Variants in CMYA5 observed in about 807,000 individuals in gnomAD.
The protein encoded by CMYA5 is cardiomyopathy associated 5.
In CMYA5, 246 loss-of-function variants were observed where a neutral mutation model predicts 318.9. The ratio of observed to expected loss-of-function variants is 0.77; its 90% CI spans 0.70 to 0.86. The LOEUF (loss-of-function observed/expected upper bound fraction) is 0.86, where lower values mean the gene tolerates loss of function less well. Ranked by LOEUF, CMYA5 falls within the 40% of genes least tolerant of loss-of-function variation. The probability of loss-of-function intolerance (pLI) is 0.00; values close to 1 mark genes in which losing one functional copy is unlikely to be tolerated. For synonymous variants in CMYA5, 1,641 were observed against 1,729.5 expected (o/e 0.95, Z 1.27); for missense variants, 4,589 against 4,678.2 (o/e 0.98, Z 0.56).
chr5:79,733,599 G>A lies in CMYA5; in HGVS notation c.4834G>A (p.Asp1612Asn), dbSNP rs1159479602. The A allele has an allele frequency of 6.2e-7, 1 of 1,613,676 alleles. No individual in the cohort carries two copies. The highest frequency in any genetic ancestry group is 1.7e-5 in the Admixed American group (1 of 59,974). Reference protein sequence around the residue: ...AQGDFPSEKQDVALAELSLEP... With the variant: ...AQGDFPSEKQNVALAELSLEP... ...GGGAGACTTCCCATCAGAAAAACAA[G>A]ATGTTGCTTTGGCAGAGCTGTCTTT... is the stretch of plus-strand genomic sequence containing the variant. The change falls in exon 2 of 13, where the codon GAT becomes AAT. Residue 1612 changes from aspartate (D) to asparagine (N), a missense_variant. By Grantham distance (23) the Asp-to-Asn change is conservative. This residue lies in a region of CMYA5 where 2,132 missense variants were observed against 2,131.3 expected (regional missense o/e 1.00). Coordinates refer to ENST00000446378, the MANE Select transcript of CMYA5 (RefSeq NM_153610.5).
At position 79,736,204 on chromosome 5, in the gene CMYA5, T is replaced by C. The variant is rs569914800; in HGVS notation, c.7439T>C (p.Val2480Ala). 1 of 1,613,644 alleles carries C rather than the reference T, an allele frequency of 6.2e-7. No individual in the cohort carries two copies. Among genetic ancestry groups the C allele is most frequent in the African/African-American group, 1.3e-5 (1 of 75,024 alleles). ...GTGCTGGCAGAAAAACAAAACTCTG[T>C]GGCCCCATTAGAGCTTAGAGATAGT... Reference protein sequence around the residue: ...KKVLAEKQNSVAPLELRDSNE... With the variant: ...KKVLAEKQNSAAPLELRDSNE... Residue 2480 changes from valine (V) to alanine (A), a missense_variant, in exon 2 of 13, where the codon GTG becomes GCG. This residue lies in a region of CMYA5 where 2,431 missense variants were observed against 2,495.1 expected (regional missense o/e 0.97). Coordinates refer to ENST00000446378, the MANE Select transcript of CMYA5 (RefSeq NM_153610.5).
At chr5:79,755,110 G>A (rs1018128170) in intron 6 of CMYA5, among the ~76,000 whole-genome samples, 6 of 152,140 alleles carry the variant, frequency 3.9e-5, no homozygotes, top group Non-Finnish European at 7.4e-5. Flanking sequence ...GCCAGGTTGA[G>A]TGGAAATCTG....
chr5:79,746,841 T>A (rs1280089666), intron 4 of CMYA5, among the ~76,000 whole-genome samples: 17 of 152,028 alleles, frequency 1.1e-4, no homozygotes, highest in African/African-American at 3.6e-4. Context: ...CCATCCTCCA[T>A]CCCTGTCCTG....
intron 9 of CMYA5, among the ~76,000 whole-genome samples, chr5:79,772,565 T>A (rs934546802): frequency 1.3e-5 from 2 of 152,196 alleles, no homozygotes; most frequent in African/African-American, 4.8e-5. Context: ...CACAAATTAC[T>A]ATCCTGTTCA....
rs149441848 is a variant in CMYA5, at chr5:79,716,701, C to A, written c.150-12214C>A. Among the ~76,000 whole-genome samples, 404 of 152,272 alleles carry A rather than the reference C, an allele frequency of 2.7e-3. 2 individuals carry two copies. The highest frequency in any genetic ancestry group is 9.0e-3 in the African/African-American group (376 of 41,566). ...GACACAGGAAAATGTTGACAAACAACAACTAAAACTAAGCTGGGAGAACAC... is the reference window on the plus strand; with the variant it reads ...GACACAGGAAAATGTTGACAAACAAAAACTAAAACTAAGCTGGGAGAACAC... On this transcript the variant is annotated intron_variant, in intron 1 of 12. Coordinates refer to ENST00000446378, the MANE Select transcript of CMYA5 (RefSeq NM_153610.5).
At position 79,742,760 on chromosome 5, in the gene CMYA5, G is replaced by GA. The variant is rs111610940; in HGVS notation, c.10639-1055dup. On this transcript the variant is annotated intron_variant, in intron 2 of 12. Coordinates refer to ENST00000446378, the MANE Select transcript of CMYA5 (RefSeq NM_153610.5). The stretch of plus-strand genomic sequence containing the variant: ...AGGAACTGTGCCAATCATTGAGAGT[G>GA]AAAAAAAAAAAAGGAAGATGGACTT... Among the ~76,000 whole-genome samples the GA allele has an allele frequency of 4.3e-3, 623 of 145,416 alleles. 4 individuals are homozygous for GA. Among genetic ancestry groups the GA allele is most frequent in the African/African-American group, 0.013 (532 of 39,464 alleles).
chr5:79,709,659 G>T (rs76414145), intron 1 of CMYA5, among the ~76,000 whole-genome samples: 1 of 151,074 alleles, frequency 6.6e-6, no homozygotes, highest in Non-Finnish European at 1.5e-5. Context: ...GTTTTGGTGT[G>T]GTATAAAGAA....
intron 1 of CMYA5, among the ~76,000 whole-genome samples, chr5:79,700,863 T>C (rs113660528): frequency 2.8e-4 from 43 of 152,124 alleles, no homozygotes; most frequent in African/African-American, 1.0e-3. Flanking sequence ...GTAGATCTCA[T>C]GAAGATAGAG....
chr5:79,748,132 A>G (rs1379663066), intron 5 of CMYA5, among the ~76,000 whole-genome samples: 2 of 152,230 alleles, frequency 1.3e-5, no homozygotes, highest in Non-Finnish European at 2.9e-5. Context: ...TGGCTCTGTT[A>G]TGAATAGAAT....
chr5:79,775,895 C>T (rs887510382), intron 9 of CMYA5, among the ~76,000 whole-genome samples: 1 of 152,164 alleles, frequency 6.6e-6, no homozygotes, highest in Non-Finnish European at 1.5e-5. Context: ...ATGAATGTTA[C>T]TAAGCTCCTG....
chr5:79,700,930 G>C (rs1334895205), intron 1 of CMYA5, among the ~76,000 whole-genome samples: 1 of 151,894 alleles, frequency 6.6e-6, no homozygotes, highest in African/African-American at 2.4e-5. Flanking sequence ...GGGATGAAGA[G>C]AGATTGATTA....
At chr5:79,751,576 A>C (rs1294833784) in intron 5 of CMYA5, among the ~76,000 whole-genome samples, 1 of 152,162 alleles carries the variant, frequency 6.6e-6, no homozygotes, top group Non-Finnish European at 1.5e-5. Context: ...CTTCATACTG[A>C]CCATAAATCC....
chr5:79,770,644 T>C (rs972645282), intron 9 of CMYA5, among the ~76,000 whole-genome samples: 1 of 151,938 alleles, frequency 6.6e-6, no homozygotes, highest in East Asian at 1.9e-4. Context: ...GGTACCTCAG[T>C]TGGAAATGCA....
In CMYA5 at chr5:79,731,432, G is replaced by T. The variant is rs1170806063; in HGVS notation, c.2667G>T (p.Glu889Asp). The change falls in exon 2 of 13, where the codon GAG becomes GAT. Residue 889 changes from glutamate (E) to aspartate (D), a missense_variant. Glu to Asp is a conservative substitution (Grantham distance 45). Transcript: ENST00000446378. The stretch of plus-strand genomic sequence containing the variant: ...TTCTATCAGACGAAGAGGCAGTCGA[G>T]TTGGAACGATACACACCCTCTTCTA... ...YVVLSDEEAV[E>D]LERYTPSSTS... 4 of 1,613,308 alleles carry T rather than the reference G, an allele frequency of 2.5e-6. No homozygotes were observed. The East Asian group carries it at 8.9e-5, about 36-fold the overall frequency.
chr5:79,773,156 T>G (rs943824237), intron 9 of CMYA5, among the ~76,000 whole-genome samples: 24 of 152,326 alleles, frequency 1.6e-4, no homozygotes, highest in African/African-American at 5.8e-4. Context: ...GATCATTGTG[T>G]GAAGTTGTCA....
intron 4 of CMYA5, 49 bp from the exon 5 acceptor site, chr5:79,747,042 C>A: frequency 9.2e-7 from 1 of 1,083,192 alleles, no homozygotes; most frequent in Non-Finnish European, 1.4e-6. Flanking sequence ...CTCTTTCTCT[C>A]TCTCTTTTTC....
chr5:79,767,677 A>T (rs556603156), intron 9 of CMYA5, among the ~76,000 whole-genome samples: 1 of 152,210 alleles, frequency 6.6e-6, no homozygotes, highest in Admixed American at 6.5e-5. Context: ...ACTGTTTGTT[A>T]TGATTTCCAT....
rs751018578 is a variant in CMYA5, at chr5:79,735,751, T to C, written c.6986T>C (p.Met2329Thr). ...TCACTAATCGGTGAGAAATTGGTTA[T>C]GGAAGAAGCCAAAACTATTGTTCCT... Reference protein sequence around the residue: ...SYSLIGEKLVMEEAKTIVPPH... With the variant: ...SYSLIGEKLVTEEAKTIVPPH... The change falls in exon 2 of 13, where the codon ATG becomes ACG. Residue 2329 changes from methionine (M) to threonine (T), a missense_variant. Physicochemically the swap from Met to Thr is moderately conservative, Grantham distance 81 (BLOSUM62 -1). Transcript: ENST00000446378. 1 of 1,583,340 alleles carries C rather than the reference T, an allele frequency of 6.3e-7. No individual in the cohort carries two copies. The highest frequency in any genetic ancestry group is 2.2e-5 in the East Asian group (1 of 44,788).
At chr5:79,709,959 T>C (rs1211676343) in intron 1 of CMYA5, among the ~76,000 whole-genome samples, 2 of 5,572 alleles carry the variant, frequency 3.6e-4, no homozygotes, top group East Asian at 0.019. Context: ...AGACTCCATC[T>C]CAAAAAAAAA....
Sources: gnomAD v4.1 joint callset for allele counts (sites outside exome capture counted in the v4.1 genomes callset) on GRCh38, gnomAD v4.1.1 for gene constraint, gnomAD v4.1.1 regional missense constraint, MANE v1.5 for transcripts, NCBI Gene and HGNC (gene_info 2026-07-23, HGNC 2026-07-21) for gene names.